Variants in CDH7 observed in about 807,000 individuals in gnomAD.
CDH7 encodes cadherin 7.
A neutral mutation model predicts 71.8 loss-of-function variants in CDH7; 25 were observed. The ratio of observed to expected loss-of-function variants is 0.35; its 90% CI spans 0.25 to 0.49. The LOEUF (loss-of-function observed/expected upper bound fraction) is 0.49, where lower values mean the gene tolerates loss of function less well. Among genes scored for constraint, CDH7 ranks in the 20% least tolerant of loss-of-function variants. CDH7 has a pLI of 0.99. For missense variants in CDH7, 862 were observed against 974.6 expected (o/e 0.88, Z 1.54); for synonymous variants, 381 against 363.8 (o/e 1.05, Z -0.54).
intron 6 of CDH7, among the ~76,000 whole-genome samples, chr18:65,832,020 G>T (rs921645828): frequency 6.6e-6 from 1 of 152,078 alleles, no homozygotes; most frequent in African/African-American, 2.4e-5. Context: ...AAATGTATTT[G>T]TTCTGGTGGT....
At chr18:65,798,244 A>C (rs934739097) in intron 2 of CDH7, among the ~76,000 whole-genome samples, 3 of 152,222 alleles carry the variant, frequency 2.0e-5, no homozygotes, top group African/African-American at 7.2e-5. Flanking sequence ...AGAGTATGTC[A>C]GATATCTACT....
At position 65,859,100 on chromosome 18, in the gene CDH7, C is replaced by T. The variant is rs1913471243; in HGVS notation, c.1494+54C>T. Reference sequence around the variant, plus strand: ...AATTTGTGGTTTCTTAAAAAATATCCAGCAGCAGTTGCCTTTGAAATTCTT... The same window carrying T: ...AATTTGTGGTTTCTTAAAAAATATCTAGCAGCAGTTGCCTTTGAAATTCTT... On this transcript the variant is annotated intron_variant, in intron 9 of 11. Transcript: ENST00000397968. 3 of 1,549,452 alleles carry T rather than the reference C, an allele frequency of 1.9e-6. No homozygotes were observed. The East Asian group carries it at 6.8e-5, about 35-fold the overall frequency.
chr18:65,866,633 C>T (rs577091876), intron 11 of CDH7, among the ~76,000 whole-genome samples: 24 of 152,220 alleles, frequency 1.6e-4, no homozygotes, highest in Admixed American at 7.2e-4. Flanking sequence ...GATTCTAGGT[C>T]TCCTTATTCT....
chr18:65,756,191 G>A (rs1035920766), intron 1 of CDH7, among the ~76,000 whole-genome samples: 3 of 152,126 alleles, frequency 2.0e-5, no homozygotes, highest in Non-Finnish European at 2.9e-5. Flanking sequence ...TCTTGGAAAT[G>A]ACAGTTTCCC....
chr18:65,844,761 T>C (rs1356154814), intron 7 of CDH7, among the ~76,000 whole-genome samples: 1 of 152,124 alleles, frequency 6.6e-6, no homozygotes, highest in Non-Finnish European at 1.5e-5. Flanking sequence ...TATGTGTTTG[T>C]GTGAGACTTA....
At position 65,791,005 on chromosome 18, in the gene CDH7, A is replaced by G. The variant is rs546430412; in HGVS notation, c.211-18699A>G. ...TTTAGACACCTTGAACAGAAAAACA[A>G]TCTCGTTACTTACAAAAAGGGCTTT... On this transcript the variant is annotated intron_variant, in intron 2 of 11. Coordinates refer to ENST00000397968, the MANE Select transcript of CDH7 (RefSeq NM_004361.5). Among the ~76,000 whole-genome samples the G allele has an allele frequency of 1.2e-3, 181 of 152,354 alleles. 2 individuals are homozygous for G. In the South Asian group the frequency reaches 0.021, roughly 17 times the overall value.
At chr18:65,855,386 G>T (rs1295584679) in intron 7 of CDH7, among the ~76,000 whole-genome samples, 1 of 148,548 alleles carries the variant, frequency 6.7e-6, no homozygotes, top group African/African-American at 2.4e-5. Flanking sequence ...TAAATATTAA[G>T]AACAAAAGAG....
intron 11 of CDH7, among the ~76,000 whole-genome samples, chr18:65,873,262 A>G (rs957797373): frequency 6.6e-6 from 1 of 152,174 alleles, no homozygotes; most frequent in Non-Finnish European, 1.5e-5. Flanking sequence ...TAGCTGTCCT[A>G]TTGTTCAACA....
intron 6 of CDH7, among the ~76,000 whole-genome samples, chr18:65,829,666 C>A (rs1912265141): frequency 6.7e-6 from 1 of 149,554 alleles, no homozygotes; most frequent in Non-Finnish European, 1.5e-5. Context: ...TGCCCCCTTA[C>A]CATACTCATC....
chr18:65,860,441 A>G (rs992768525), intron 10 of CDH7, among the ~76,000 whole-genome samples: 3 of 152,146 alleles, frequency 2.0e-5, no homozygotes, highest in African/African-American at 7.2e-5. Context: ...AGTAAAAAAA[A>G]CTTACAAATA....
chr18:65,810,949 C>G (rs567815500), intron 3 of CDH7, among the ~76,000 whole-genome samples: 1 of 151,938 alleles, frequency 6.6e-6, no homozygotes, highest in African/African-American at 2.4e-5. Flanking sequence ...GTGTTTATAT[C>G]GAATAATCAA....
At chr18:65,768,807 G>C (rs1301829804) in intron 2 of CDH7, among the ~76,000 whole-genome samples, 1 of 152,080 alleles carries the variant, frequency 6.6e-6, no homozygotes, top group East Asian at 1.9e-4. Context: ...GATTTATATT[G>C]ATTATATGCC....
At chr18:65,846,997 T>C (rs1912955707) in intron 7 of CDH7, among the ~76,000 whole-genome samples, 2 of 146,024 alleles carry the variant, frequency 1.4e-5, no homozygotes, top group Admixed American at 7.3e-5. Flanking sequence ...TATGCAACCA[T>C]ATTGACAATC....
Position 65,824,627 on chromosome 18 carries a change from T to G in CDH7, c.794-17T>G, listed in dbSNP as rs1428231893. On this transcript the variant is annotated splice_polypyrimidine_tract_variant and intron_variant, in intron 5 of 11. Transcript: ENST00000397968. ...AGTTTGGTGTAACGTGTTCATTTCT[T>G]GCTTTGAATTTCACAGGGTCTTATC... 6.7e-7 allele frequency: 1 copy of G among 1,501,558 alleles called. No homozygotes were observed. The highest frequency in any genetic ancestry group is 8.9e-7 in the Non-Finnish European group (1 of 1,118,886). 93.0% of individuals were successfully genotyped at this position (1,501,558 alleles called of 1,614,324 possible).
At chr18:65,757,746 A>C (rs35597079) in intron 1 of CDH7, among the ~76,000 whole-genome samples, 58,231 of 151,548 alleles carry the variant, frequency 0.38, 12,142 homozygotes, top group African/African-American at 0.55. Context: ...AAAGTTTGTA[A>C]AGATCTGTAG....
At chr18:65,821,758 A>G (rs1911937866) in intron 4 of CDH7, among the ~76,000 whole-genome samples, 1 of 152,200 alleles carries the variant, frequency 6.6e-6, no homozygotes, top group Non-Finnish European at 1.5e-5. Flanking sequence ...GTACTTGTAC[A>G]GGTGACTGTC....
At chr18:65,820,732 G>A (rs1911892808) in intron 4 of CDH7, among the ~76,000 whole-genome samples, 2 of 152,258 alleles carry the variant, frequency 1.3e-5, no homozygotes, top group South Asian at 4.1e-4. Context: ...ACAATTAGAA[G>A]TGTGAAAAAT....
Position 65,814,469 on chromosome 18 carries a change from T to C in CDH7, c.506-16T>C, listed in dbSNP as rs776723291. ...TTGGAAGTTTTTAATTCAGTGGTTTTGGGATTGGCATCTAGGGACCTCAGT... is the reference window on the plus strand; with the variant it reads ...TTGGAAGTTTTTAATTCAGTGGTTTCGGGATTGGCATCTAGGGACCTCAGT... On this transcript the variant is annotated splice_polypyrimidine_tract_variant and intron_variant, in intron 3 of 11. Coordinates refer to ENST00000397968, the MANE Select transcript of CDH7 (RefSeq NM_004361.5). 2.5e-6 allele frequency: 4 copies of C among 1,613,740 alleles called. No individual in the cohort carries two copies. The highest frequency in any genetic ancestry group is 1.3e-5 in the African/African-American group (1 of 74,894).
In CDH7 at chr18:65,884,390, C is replaced by G. The variant is rs537468914; in HGVS notation, c.*3496C>G. The stretch of plus-strand genomic sequence containing the variant: ...ACCAGATCTGGGATCTGGTAAATGT[C>G]TTTATTTGCCAGGAAGCTCTGCTGA... On this transcript the variant is annotated 3_prime_UTR_variant, in exon 12 of 12. Coordinates refer to ENST00000397968, the MANE Select transcript of CDH7 (RefSeq NM_004361.5). 5.3e-5 allele frequency: 8 copies of G among 152,164 alleles called. No homozygotes were observed. The South Asian group carries it at 1.7e-3, about 32-fold the overall frequency. 9.4% of individuals were successfully genotyped at this position (152,164 alleles called of 1,614,324 possible). A position where few individuals can be genotyped will look rare whatever the true frequency, so the allele number is the denominator to read the frequency against.
Sources: gnomAD v4.1 joint callset for allele counts (sites outside exome capture counted in the v4.1 genomes callset) on GRCh38, gnomAD v4.1.1 for gene constraint, MANE v1.5 for transcripts, NCBI Gene and HGNC (gene_info 2026-07-23, HGNC 2026-07-21) for gene names.